The following MCUB variants were observed in gnomAD, a reference collection of about 807,000 sequenced individuals.
MCUB encodes calcium uniporter regulatory subunit MCUb, mitochondrial.
In MCUB, 46 loss-of-function variants were observed where a neutral mutation model predicts 41.4. That is an observed-to-expected ratio of 1.11 (90% CI 0.88 to 1.42). The LOEUF is 1.42. Among genes scored for constraint, MCUB ranks in the 40% most tolerant of loss-of-function variants. MCUB has a pLI of 0.00. For missense variants in MCUB, 403 were observed against 404.9 expected (o/e 1.00, Z 0.04); for synonymous variants, 148 against 148.2 (o/e 1.00, Z 0.01).
At chr4:109,647,052 C>G (rs757243363) in intron 1 of MCUB, among the ~76,000 whole-genome samples, 21 of 152,168 alleles carry the variant, frequency 1.4e-4, no homozygotes, top group Non-Finnish European at 2.6e-4. Context: ...GTTTTAATTT[C>G]ATAGCAAAAC....
At chr4:109,663,495 A>T (rs2126145393) in intron 3 of MCUB, among the ~76,000 whole-genome samples, 1 of 152,268 alleles carries the variant, frequency 6.6e-6, no homozygotes, top group South Asian at 2.1e-4. Context: ...CCCCTTCCAC[A>T]AAATAAACCA....
At chr4:109,597,675 G>A (rs1488694162) in intron 1 of MCUB, among the ~76,000 whole-genome samples, 25 of 147,340 alleles carry the variant, frequency 1.7e-4, no homozygotes, top group Non-Finnish European at 2.3e-4. Context: ...GCGGCTGGCC[G>A]GGCGGGGGGC....
rs147880779 is a variant in MCUB at position 109,581,226 on chromosome 4, C to T, written c.99+20790C>T. ...AGAACAGAGCCCTCAGAAATAATGCCGCATAACTACAACTATCTGTTCTTT... is the reference window on the plus strand; with the variant it reads ...AGAACAGAGCCCTCAGAAATAATGCTGCATAACTACAACTATCTGTTCTTT... On this transcript the variant is annotated intron_variant, in intron 1 of 7. Transcript: ENST00000394650. 5.8e-3 allele frequency among the ~76,000 whole-genome samples: 882 copies of T among 151,962 alleles called. 7 individuals carry two copies. The highest frequency in any genetic ancestry group is 0.021 in the African/African-American group (850 of 41,454).
intron 1 of MCUB, among the ~76,000 whole-genome samples, chr4:109,641,051 G>T (rs1728701885): frequency 6.6e-6 from 1 of 152,120 alleles, no homozygotes; most frequent in African/African-American, 2.4e-5. Flanking sequence ...GAATAGGGAG[G>T]CCCCAGGAGA....
intron 1 of MCUB, among the ~76,000 whole-genome samples, chr4:109,577,568 G>A (rs377297476): frequency 1.4e-5 from 2 of 142,070 alleles, no homozygotes; most frequent in South Asian, 2.2e-4. Flanking sequence ...AAACTTGATC[G>A]TTTCATAGCC....
intron 4 of MCUB, among the ~76,000 whole-genome samples, chr4:109,672,779 A>T (rs1268492814): frequency 2.0e-5 from 3 of 152,172 alleles, no homozygotes; most frequent in Non-Finnish European, 4.4e-5. Flanking sequence ...GCTAACCATT[A>T]TCTGGTACAG....
At chr4:109,623,972 C>T (rs571296534) in intron 1 of MCUB, among the ~76,000 whole-genome samples, 6 of 152,268 alleles carry the variant, frequency 3.9e-5, no homozygotes, top group African/African-American at 1.4e-4. Context: ...GGCACAGCCT[C>T]CCAAGTAGCT....
At chr4:109,645,459 G>A (rs1278956761) in intron 1 of MCUB, among the ~76,000 whole-genome samples, 2 of 149,016 alleles carry the variant, frequency 1.3e-5, no homozygotes, top group Non-Finnish European at 1.5e-5. Context: ...ATCAAGTAAA[G>A]TCAAATTACT....
At chr4:109,663,556 C>G (rs1449297388) in intron 3 of MCUB, among the ~76,000 whole-genome samples, 2 of 151,972 alleles carry the variant, frequency 1.3e-5, no homozygotes, top group African/African-American at 4.8e-5. Context: ...GTCCTCACCT[C>G]CTTGACAGTT....
intron 1 of MCUB, among the ~76,000 whole-genome samples, chr4:109,629,053 G>A (rs1235305327): frequency 1.3e-5 from 2 of 152,198 alleles, no homozygotes; most frequent in South Asian, 4.1e-4. Flanking sequence ...GGGTCTTAGC[G>A]AAATTTAGAT....
rs1579100646 is a variant in MCUB, at chr4:109,684,335, T to G, written c.613-108T>G. 6.4e-6 allele frequency: 5 copies of G among 782,292 alleles called. No individual in the cohort carries two copies. In the East Asian group the frequency reaches 8.3e-5, roughly 13 times the overall value. 48.5% of individuals were successfully genotyped at this position (782,292 alleles called of 1,614,324 possible). Reference sequence around the variant, plus strand: ...CCTCGGCCTCCCAGAGTGCTGAGATTACAGGCGTGAGCCACCGCGCCCGGC... The same window carrying G: ...CCTCGGCCTCCCAGAGTGCTGAGATGACAGGCGTGAGCCACCGCGCCCGGC... On this transcript the variant is annotated intron_variant, in intron 5 of 7. Coordinates refer to ENST00000394650, the MANE Select transcript of MCUB (RefSeq NM_017918.5).
chr4:109,581,110 T>C (rs980582354), intron 1 of MCUB, among the ~76,000 whole-genome samples: 6 of 152,178 alleles, frequency 3.9e-5, no homozygotes, highest in African/African-American at 1.4e-4. Context: ...GGAGGCATCA[T>C]GCGACCTGAC....
intron 1 of MCUB, among the ~76,000 whole-genome samples, chr4:109,581,583 G>T (rs1246963557): frequency 6.6e-6 from 1 of 152,110 alleles, no homozygotes; most frequent in Non-Finnish European, 1.5e-5. Context: ...ACCACCATCA[G>T]AGTGAACAGG....
At chr4:109,584,193 C>G (rs1003537495) in intron 1 of MCUB, among the ~76,000 whole-genome samples, 3 of 152,042 alleles carry the variant, frequency 2.0e-5, no homozygotes, top group African/African-American at 7.2e-5. Context: ...TGTATGTGTC[C>G]AGGAATTTAT....
intron 4 of MCUB, chr4:109,674,145 TGGA>T (rs1729521047): frequency 3.3e-6 from 4 of 1,196,598 alleles, no homozygotes; most frequent in Non-Finnish European, 5.0e-6. Flanking sequence ...GCTGCCTTGT[TGGA>T]GGAGCTTGCT....
chr4:109,673,815 C>G (rs755972735), intron 4 of MCUB: 35 of 709,954 alleles, frequency 4.9e-5, no homozygotes, highest in Non-Finnish European at 5.9e-5. Flanking sequence ...GGTTTTTTCG[C>G]TCTAGGGAGA....
intron 4 of MCUB, among the ~76,000 whole-genome samples, chr4:109,679,676 G>GGGTCTGT (rs1340365783): frequency 6.6e-6 from 1 of 152,162 alleles, no homozygotes; most frequent in African/African-American, 2.4e-5. Context: ...GTAAATTATG[G>GGGTCTGT]GGTCTGTGGT....
At chr4:109,657,429 A>G (rs1561243672) in intron 1 of MCUB, among the ~76,000 whole-genome samples, 2 of 152,170 alleles carry the variant, frequency 1.3e-5, no homozygotes, top group Non-Finnish European at 2.9e-5. Flanking sequence ...AACAGCGAAC[A>G]CACTTTTAAC....
intron 1 of MCUB, among the ~76,000 whole-genome samples, chr4:109,631,768 T>G (rs1198713059): frequency 2.0e-5 from 3 of 152,220 alleles, no homozygotes; most frequent in Non-Finnish European, 2.9e-5. Flanking sequence ...GGTACTGTCC[T>G]TCCAGTTCTG....
Sources: allele counts gnomAD v4.1 joint callset (sites outside exome capture counted in the v4.1 genomes callset), GRCh38; gene constraint gnomAD v4.1.1; transcripts MANE v1.5; gene names NCBI Gene and HGNC (gene_info 2026-07-23, HGNC 2026-07-21).